Variants in CDH11 observed in about 807,000 individuals in gnomAD.
The protein encoded by CDH11 is cadherin-11.
CDH11 carries 11 observed loss-of-function variants against 67.8 expected under a neutral mutation model. That is an observed-to-expected ratio of 0.16 (90% CI 0.10 to 0.27). The LOEUF (loss-of-function observed/expected upper bound fraction) is 0.27. CDH11 is among the 10% of genes least tolerant of loss of function. The probability of loss-of-function intolerance (pLI) is 1.00; values close to 1 mark genes in which losing one functional copy is unlikely to be tolerated. For synonymous variants in CDH11, 419 were observed against 400.0 expected, an observed-to-expected ratio of 1.05 and a Z score of -0.57; for missense variants, 847 against 1,031.2, an observed-to-expected ratio of 0.82 and a Z score of 2.45.
chr16:65,060,809 A>G (rs886914545), intron 1 of CDH11, among the ~76,000 whole-genome samples: 2 of 152,132 alleles, frequency 1.3e-5, no homozygotes, highest in Non-Finnish European at 2.9e-5. Context: ...TAAAAAAAAA[A>G]CTTGACAATA....
chr16:64,984,377 T>C (rs563181501), intron 7 of CDH11, among the ~76,000 whole-genome samples: 208 of 152,350 alleles, frequency 1.4e-3, no homozygotes, highest in Non-Finnish European at 2.5e-3. Context: ...AGAGTGGGGC[T>C]GATAGATGCT....
intron 2 of CDH11, among the ~76,000 whole-genome samples, chr16:65,031,132 A>G (rs867161979): frequency 2.0e-5 from 3 of 152,234 alleles, no homozygotes; most frequent in African/African-American, 4.8e-5. Context: ...AGGAGCATGT[A>G]CCACGCTGGA....
At chr16:64,983,683 A>C (rs2072414282) in intron 7 of CDH11, among the ~76,000 whole-genome samples, 1 of 152,184 alleles carries the variant, frequency 6.6e-6, no homozygotes, top group South Asian at 2.1e-4. Context: ...TCCTAAATCT[A>C]AATCTGCCCC....
At chr16:65,033,824 A>G (rs1481773214) in intron 2 of CDH11, among the ~76,000 whole-genome samples, 7 of 152,214 alleles carry the variant, frequency 4.6e-5, no homozygotes, top group Non-Finnish European at 1.0e-4. Context: ...AGAGTATGTC[A>G]TTAATGCATG....
At chr16:65,068,691 C>A (rs2074363402) in intron 1 of CDH11, among the ~76,000 whole-genome samples, 1 of 152,182 alleles carries the variant, frequency 6.6e-6, no homozygotes, top group South Asian at 2.1e-4. Context: ...TTTACTTGAA[C>A]AGTTTTCTGC....
chr16:64,949,360 T>C (rs1298173124), intron 12 of CDH11, among the ~76,000 whole-genome samples: 2 of 151,964 alleles, frequency 1.3e-5, no homozygotes, highest in African/African-American at 4.8e-5. Context: ...AGCCAACCTG[T>C]ATGTCACATC....
chr16:65,114,409 T>G (rs1400922849), intron 1 of CDH11, among the ~76,000 whole-genome samples: 1 of 152,072 alleles, frequency 6.6e-6, no homozygotes. Context: ...AGAGCAGGTT[T>G]GGGAAGCCAG....
intron 1 of CDH11, among the ~76,000 whole-genome samples, chr16:65,073,684 A>G (rs932940162): frequency 6.6e-6 from 1 of 152,004 alleles, no homozygotes; most frequent in East Asian, 1.9e-4. Flanking sequence ...AACTAGACCT[A>G]GCTCTGGGTG....
intron 7 of CDH11, among the ~76,000 whole-genome samples, chr16:64,984,405 C>T (rs1280916525): frequency 6.6e-6 from 1 of 152,174 alleles, no homozygotes; most frequent in Non-Finnish European, 1.5e-5. Context: ...TAGACATTTG[C>T]CTACAATTTA....
chr16:64,998,515 G>C (rs2072832428), intron 4 of CDH11, 47 bp downstream of exon 4: 1 of 1,578,148 alleles, frequency 6.3e-7, no homozygotes, highest in South Asian at 1.1e-5. Flanking sequence ...ACCCACCACA[G>C]AGACACCAGG....
At chr16:65,067,035 G>A (rs896373501) in intron 1 of CDH11, among the ~76,000 whole-genome samples, 11 of 152,196 alleles carry the variant, frequency 7.2e-5, no homozygotes, top group Non-Finnish European at 1.6e-4. Flanking sequence ...GGGCTGTGGT[G>A]TGGTGGGGAG....
At chr16:64,971,206 G>A (rs1289132902) in intron 11 of CDH11, among the ~76,000 whole-genome samples, 1 of 152,150 alleles carries the variant, frequency 6.6e-6, no homozygotes, top group Non-Finnish European at 1.5e-5. Flanking sequence ...GCCTTACAAA[G>A]TTGAACTAAT....
At chr16:65,014,466 A>C (rs951328399) in intron 2 of CDH11, among the ~76,000 whole-genome samples, 9 of 152,158 alleles carry the variant, frequency 5.9e-5, no homozygotes, top group African/African-American at 1.9e-4. Context: ...CCGAATGTAC[A>C]TTTTATATTT....
chr16:64,980,246 A>G (rs939838474), intron 8 of CDH11, among the ~76,000 whole-genome samples: 2 of 152,056 alleles, frequency 1.3e-5, no homozygotes, highest in African/African-American at 4.8e-5. Flanking sequence ...AATTTTTTTC[A>G]CAACAGAAAA....
chr16:65,115,894 T>G (rs1161473097), intron 1 of CDH11, among the ~76,000 whole-genome samples: 2 of 152,006 alleles, frequency 1.3e-5, no homozygotes, highest in Non-Finnish European at 2.9e-5. Context: ...TGAGCTGCGA[T>G]CACAACACTG....
At chr16:65,045,106 A>G (rs1338393742) in intron 2 of CDH11, among the ~76,000 whole-genome samples, 1 of 151,636 alleles carries the variant, frequency 6.6e-6, no homozygotes, top group East Asian at 2.0e-4. Flanking sequence ...TTCCCAAAGA[A>G]TGATGTAAAT....
intron 1 of CDH11, among the ~76,000 whole-genome samples, chr16:65,093,441 G>A (rs372438223): frequency 1.3e-5 from 2 of 151,954 alleles, no homozygotes; most frequent in East Asian, 3.9e-4. Context: ...CAGTGGCTCT[G>A]AGCCTAATAA....
intron 7 of CDH11, among the ~76,000 whole-genome samples, chr16:64,984,544 C>G (rs578065836): frequency 6.6e-6 from 1 of 152,216 alleles, no homozygotes; most frequent in African/African-American, 2.4e-5. Context: ...TCTTAATACC[C>G]CGTAGTTTAC....
chr16:65,008,639 C>T (rs925355042), intron 2 of CDH11, among the ~76,000 whole-genome samples: 3 of 152,294 alleles, frequency 2.0e-5, no homozygotes, highest in East Asian at 3.9e-4. Flanking sequence ...TGCAGACTTA[C>T]GCTTCTAGTA....
Sources: gnomAD v4.1 joint callset for allele counts (sites outside exome capture counted in the v4.1 genomes callset) on GRCh38, gnomAD v4.1.1 for gene constraint, MANE v1.5 for transcripts, NCBI Gene and HGNC (gene_info 2026-07-23, HGNC 2026-07-21) for gene names.